Variants in ERICH5 observed in about 807,000 individuals in gnomAD.
ERICH5 encodes the protein glutamate-rich protein 5.
Under a neutral mutation model 28.0 loss-of-function variants are expected in ERICH5, and 24 were observed. The ratio of observed to expected loss-of-function variants is 0.86; its 90% CI spans 0.62 to 1.21. The LOEUF is 1.21. Among genes scored for constraint, ERICH5 ranks in the 50% most tolerant of loss-of-function variants. The probability of loss-of-function intolerance (pLI) is 0.00; values close to 1 mark genes in which losing one functional copy is unlikely to be tolerated. For missense variants in ERICH5, 421 were observed against 441.2 expected (o/e 0.95, Z 0.41); for synonymous variants, 163 against 157.6 (o/e 1.03, Z -0.25).
chr8:98,076,268 G>A (rs1259222469), intron 1 of ERICH5, among the ~76,000 whole-genome samples: 1 of 151,630 alleles, frequency 6.6e-6, no homozygotes, highest in African/African-American at 2.4e-5. Context: ...TGGCCAGGCT[G>A]GTCTCGAACT....
chr8:98,073,482 ATATG>A (rs1563753480), intron 1 of ERICH5, among the ~76,000 whole-genome samples: 4 of 2,580 alleles, frequency 1.6e-3, no homozygotes, highest in East Asian at 0.02. Flanking sequence ...ATATATATAT[ATATG>A]TATATATATA....
At chr8:98,079,157 T>C (rs202232751) in intron 1 of ERICH5, among the ~76,000 whole-genome samples, 7 of 66,762 alleles carry the variant, frequency 1.0e-4, no homozygotes, top group Admixed American at 6.9e-4. Context: ...TTTCCTCTTT[T>C]TTTTTTTCCT....
chr8:98,064,808 C>A, intron 1 of ERICH5, 81 bp downstream of exon 1: 1 of 1,127,810 alleles, frequency 8.9e-7, no homozygotes, highest in Non-Finnish European at 1.2e-6. Flanking sequence ...AAGGGTGTGT[C>A]CCGTGGCCAC....
chr8:98,065,797 C>T (rs936000244), intron 1 of ERICH5, among the ~76,000 whole-genome samples: 1 of 152,150 alleles, frequency 6.6e-6, no homozygotes, highest in Non-Finnish European at 1.5e-5. Context: ...GGAGTGAATT[C>T]CTTTTCACAG....
intron 1 of ERICH5, among the ~76,000 whole-genome samples, chr8:98,088,194 T>C (rs772114702): frequency 2.0e-5 from 3 of 152,302 alleles, no homozygotes; most frequent in South Asian, 4.1e-4. Context: ...ACAACAAAAA[T>C]TTCCAGAAGC....
At chr8:98,090,196 T>G (rs926594623) in intron 2 of ERICH5, among the ~76,000 whole-genome samples, 167 bp downstream of exon 2, 1 of 152,180 alleles carries the variant, frequency 6.6e-6, no homozygotes, top group African/African-American at 2.4e-5. Flanking sequence ...AGAGGCATTC[T>G]ATTAATGCTC....
In ERICH5 at chr8:98,084,444, G is replaced by A. The variant is rs181441465; in HGVS notation, c.59-4632G>A. Among the ~76,000 whole-genome samples, 43 of 152,114 alleles carry A rather than the reference G, an allele frequency of 2.8e-4. No individual in the cohort carries two copies. The East Asian group carries it at 4.7e-3, about 16-fold the overall frequency. On this transcript the variant is annotated intron_variant, in intron 1 of 2. Transcript: ENST00000318528. ...GTCCCCCAGGCTGGAGTGCAATGGC[G>A]TGATCTTGGCTCACTGCAACCTCTG...
In ERICH5 at chr8:98,093,503, T is replaced by C; in HGVS notation, c.*170T>C. 2 of 470,604 alleles carry C rather than the reference T, an allele frequency of 4.2e-6. No individual in the cohort carries two copies. Among genetic ancestry groups the C allele is most frequent in the South Asian group, 4.4e-5 (1 of 22,912 alleles). 29.2% of individuals were successfully genotyped at this position (470,604 alleles called of 1,614,324 possible). A position where few individuals can be genotyped will look rare whatever the true frequency, so the allele number is the denominator to read the frequency against. On this transcript the variant is annotated 3_prime_UTR_variant, in exon 3 of 3. Coordinates refer to ENST00000318528, the MANE Select transcript of ERICH5 (RefSeq NM_173549.3). ...GATGTTTCTGTGTTCTTGATTATAT[T>C]GTTCTGCAAAACTGCTAAGCCATGA...
chr8:98,069,034 A>C (rs1244303496), intron 1 of ERICH5, among the ~76,000 whole-genome samples: 3 of 152,264 alleles, frequency 2.0e-5, no homozygotes, highest in Admixed American at 6.5e-5. Flanking sequence ...GGTCCTAACT[A>C]GACAAAAGTT....
chr8:98,092,311 C>T (rs561185536), intron 2 of ERICH5, among the ~76,000 whole-genome samples: 4 of 151,904 alleles, frequency 2.6e-5, no homozygotes, highest in African/African-American at 4.8e-5. Flanking sequence ...AGTAGCTGGG[C>T]GCCACCATCC....
At chr8:98,064,987 G>A (rs999463749) in intron 1 of ERICH5, among the ~76,000 whole-genome samples, 24 of 152,246 alleles carry the variant, frequency 1.6e-4, no homozygotes, top group African/African-American at 5.8e-4. Context: ...GCCGGGCGCT[G>A]GATTCACCCT....
Position 98,080,152 on chromosome 8 carries a change from CCT to C in ERICH5, c.59-8923_59-8922del, listed in dbSNP as rs377578713. ...AGCTTGTACAGCTGTGCGCTGTGTC[CCT>C]GTTTAGTGTGGCTACCTTTTCATGT... On this transcript the variant is annotated intron_variant, in intron 1 of 2. Coordinates refer to ENST00000318528, the MANE Select transcript of ERICH5 (RefSeq NM_173549.3). Among the ~76,000 whole-genome samples the C allele has an allele frequency of 5.2e-4, 79 of 152,298 alleles. 1 individual carries two copies. The East Asian group carries it at 0.015, about 28-fold the overall frequency.
intron 1 of ERICH5, among the ~76,000 whole-genome samples, chr8:98,073,403 C>CTCTCTCTCTCTCTCTCTCT (rs1814956725): frequency 3.7e-5 from 1 of 26,846 alleles, no homozygotes; most frequent in Non-Finnish European, 5.9e-5. Flanking sequence ...ATAGTGAGAC[C>CTCTCTCTCTCTCTCTCTCT]CTCTCTCTCT....
intron 1 of ERICH5, among the ~76,000 whole-genome samples, chr8:98,075,296 C>T (rs1586200411): frequency 6.6e-6 from 1 of 152,178 alleles, no homozygotes; most frequent in Non-Finnish European, 1.5e-5. Context: ...GTTCATGATT[C>T]TTGGTCAAAC....
At chr8:98,075,962 C>T (rs1264854404) in intron 1 of ERICH5, among the ~76,000 whole-genome samples, 1 of 151,382 alleles carries the variant, frequency 6.6e-6, no homozygotes, top group Non-Finnish European at 1.5e-5. Context: ...CAGAGTGAAA[C>T]ATAGACACAG....
chr8:98,076,346 GC>G (rs1316582775), intron 1 of ERICH5, among the ~76,000 whole-genome samples: 1 of 151,170 alleles, frequency 6.6e-6, no homozygotes, highest in Non-Finnish European at 1.5e-5. Context: ...GAGCCACCGT[GC>G]CCAGCCGTAT....
At chr8:98,076,388 G>T (rs892679340) in intron 1 of ERICH5, among the ~76,000 whole-genome samples, 1 of 116,966 alleles carries the variant, frequency 8.5e-6, no homozygotes, top group East Asian at 3.1e-4. Flanking sequence ...AAATTAGAAG[G>T]CCTTTTTTTT....
intron 2 of ERICH5, among the ~76,000 whole-genome samples, chr8:98,091,997 T>C (rs189170718): frequency 3.9e-5 from 5 of 127,678 alleles, no homozygotes; most frequent in African/African-American, 1.2e-4. Flanking sequence ...TCTCTCCCCT[T>C]CCTTCCTTCC....
At chr8:98,085,327 A>AT (rs1016612744) in intron 1 of ERICH5, among the ~76,000 whole-genome samples, 14 of 150,266 alleles carry the variant, frequency 9.3e-5, no homozygotes, top group South Asian at 2.1e-4. Context: ...CGCCCTGCTA[A>AT]TTTTTTTTTG....
Sources: gnomAD v4.1 joint callset for allele counts (sites outside exome capture counted in the v4.1 genomes callset) on GRCh38, gnomAD v4.1.1 for gene constraint, MANE v1.5 for transcripts, NCBI Gene and HGNC (gene_info 2026-07-23, HGNC 2026-07-21) for gene names.